ADGRL3: variants seen among roughly 807,000 people sequenced by gnomAD.
ADGRL3 encodes calcium-independent alpha-latrotoxin receptor 3.
Under a neutral mutation model 153.5 loss-of-function variants are expected in ADGRL3, and 62 were observed. The ratio of observed to expected loss-of-function variants is 0.40; its 90% CI spans 0.33 to 0.50. The LOEUF (loss-of-function observed/expected upper bound fraction) is 0.50, where lower values mean the gene tolerates loss of function less well. Ranked by LOEUF, ADGRL3 falls within the 20% of genes least tolerant of loss-of-function variation. ADGRL3 has a pLI of 0.47. For synonymous variants in ADGRL3, 710 were observed against 672.5 expected (o/e 1.06, Z -0.86); for missense variants, 1,641 against 1,859.4 (o/e 0.88, Z 2.16).
At chr4:61,443,306 G>A (rs1289636629) in intron 2 of ADGRL3, among the ~76,000 whole-genome samples, 3 of 152,078 alleles carry the variant, frequency 2.0e-5, no homozygotes, top group African/African-American at 7.2e-5. Context: ...ATGCTCTGAA[G>A]AATATTTCAG....
intron 2 of ADGRL3, among the ~76,000 whole-genome samples, chr4:61,439,657 A>G (rs1458335431): frequency 1.3e-5 from 2 of 150,926 alleles, no homozygotes; most frequent in African/African-American, 4.9e-5. Context: ...CCCTATATCC[A>G]TGTGTTCTCA....
intron 2 of ADGRL3, among the ~76,000 whole-genome samples, chr4:61,397,160 T>C (rs141486679): frequency 9.1e-4 from 138 of 152,112 alleles, no homozygotes; most frequent in African/African-American, 3.2e-3. Context: ...TACCAAATTA[T>C]ATAAAGTTAT....
intron 23 of ADGRL3, 82 bp downstream of exon 23, chr4:62,031,692 A>C: frequency 1.1e-6 from 1 of 909,344 alleles, no homozygotes; most frequent in Non-Finnish European, 1.6e-6. Flanking sequence ...CTAATATATT[A>C]TTCTTGATAT....
chr4:62,068,681 C>T (rs1177186986), intron 26 of ADGRL3, among the ~76,000 whole-genome samples: 1 of 152,138 alleles, frequency 6.6e-6, no homozygotes, highest in East Asian at 1.9e-4. Flanking sequence ...ACATACAGCC[C>T]TTTAAGAAGC....
chr4:61,649,231 T>TA (rs1172596247), intron 5 of ADGRL3, among the ~76,000 whole-genome samples: 1 of 152,066 alleles, frequency 6.6e-6, no homozygotes, highest in East Asian at 1.9e-4. Context: ...TTTGCCAATT[T>TA]AAAAAAATCA....
At chr4:62,040,646 C>T (rs910096218) in intron 24 of ADGRL3, among the ~76,000 whole-genome samples, 1 of 152,010 alleles carries the variant, frequency 6.6e-6, no homozygotes, top group African/African-American at 2.4e-5. Flanking sequence ...ATCTTCTAAT[C>T]TCTGGGGATA....
intron 1 of ADGRL3, among the ~76,000 whole-genome samples, chr4:61,303,751 T>C (rs1389187328): frequency 2.6e-5 from 4 of 152,192 alleles, no homozygotes; most frequent in African/African-American, 9.6e-5. Flanking sequence ...CAAACATTAG[T>C]GGTGAATTTA....
intron 9 of ADGRL3, among the ~76,000 whole-genome samples, chr4:61,882,704 T>C (rs775255001): frequency 6.6e-6 from 1 of 152,208 alleles, no homozygotes; most frequent in Non-Finnish European, 1.5e-5. Context: ...GTCTAGACCT[T>C]TGCAGATGCT....
At chr4:62,053,867 C>G (rs1735578902) in intron 25 of ADGRL3, among the ~76,000 whole-genome samples, 1 of 151,464 alleles carries the variant, frequency 6.6e-6, no homozygotes, top group South Asian at 2.1e-4. Flanking sequence ...TACACCAATA[C>G]TGGGCAGTGA....
chr4:61,406,809 C>G (rs558417938), intron 2 of ADGRL3, among the ~76,000 whole-genome samples: 18 of 151,978 alleles, frequency 1.2e-4, no homozygotes, highest in African/African-American at 4.1e-4. Context: ...ATATAAAACA[C>G]TGTTAGTATT....
chr4:61,826,718 A>G (rs957450426), intron 9 of ADGRL3, among the ~76,000 whole-genome samples: 1 of 152,074 alleles, frequency 6.6e-6, no homozygotes, highest in African/African-American at 2.4e-5. Flanking sequence ...TGACTTAGAG[A>G]GAGGTAAATC....
intron 5 of ADGRL3, among the ~76,000 whole-genome samples, chr4:61,673,384 G>C (rs1312366652): frequency 6.6e-6 from 1 of 151,650 alleles, no homozygotes; most frequent in African/African-American, 2.4e-5. Flanking sequence ...ACATTGTAAA[G>C]ATATATCAAA....
chr4:61,460,083 C>T (rs564721020), intron 2 of ADGRL3, among the ~76,000 whole-genome samples: 21 of 152,092 alleles, frequency 1.4e-4, no homozygotes, highest in African/African-American at 3.9e-4. Flanking sequence ...TAGTTTAATG[C>T]GATCTCTTTT....
intron 9 of ADGRL3, among the ~76,000 whole-genome samples, chr4:61,839,490 C>T (rs1016637119): frequency 1.3e-5 from 2 of 151,998 alleles, no homozygotes; most frequent in African/African-American, 2.4e-5. Flanking sequence ...GCCACTGTAC[C>T]TGGCCATGTG....
intron 1 of ADGRL3, among the ~76,000 whole-genome samples, chr4:61,303,459 G>GT (rs879802150): frequency 6.5e-4 from 96 of 147,234 alleles, no homozygotes; most frequent in Middle Eastern, 3.6e-3. Flanking sequence ...GATTTGCCAG[G>GT]TTTTTTTTTT....
chr4:61,267,298 T>TA (rs1485529122), intron 1 of ADGRL3, among the ~76,000 whole-genome samples: 1 of 151,770 alleles, frequency 6.6e-6, no homozygotes, highest in African/African-American at 2.4e-5. Flanking sequence ...TTAGCAGGAA[T>TA]AAAAGTCTCT....
At chr4:61,308,366 GA>G (rs1461347498) in intron 1 of ADGRL3, among the ~76,000 whole-genome samples, 1 of 152,318 alleles carries the variant, frequency 6.6e-6, no homozygotes, top group East Asian at 1.9e-4. Flanking sequence ...GTGACAGTGA[GA>G]AGAGAGGAAG....
Position 61,813,831 on chromosome 4 carries a change from T to G in ADGRL3, c.1422T>G (p.Val474=), listed in dbSNP as rs199653187. ...SRSGQAHHGQ[V]SYISPPIHLD... ...CAGGGCAGGCACATCATGGACAAGT[T>G]TCATACATTTCTCCGCCAATTCACC... The change falls in exon 9 of 27, where the codon GTT becomes GTG. Residue 474 remains valine (V), a synonymous_variant. Coordinates refer to ENST00000683033, the MANE Select transcript of ADGRL3 (RefSeq NM_001387552.1). The G allele has an allele frequency of 7.3e-5, 115 of 1,574,564 alleles. No homozygotes were observed. The highest frequency in any genetic ancestry group is 9.0e-5 in the Non-Finnish European group (103 of 1,144,284).
At chr4:61,844,124 T>C (rs2098077608) in intron 9 of ADGRL3, among the ~76,000 whole-genome samples, 1 of 152,146 alleles carries the variant, frequency 6.6e-6, no homozygotes, top group East Asian at 1.9e-4. Flanking sequence ...ATATTTTGTG[T>C]TTTCTGTTTT....
Sources: gnomAD v4.1 joint callset for allele counts (sites outside exome capture counted in the v4.1 genomes callset) on GRCh38, gnomAD v4.1.1 for gene constraint, MANE v1.5 for transcripts, NCBI Gene and HGNC (gene_info 2026-07-23, HGNC 2026-07-21) for gene names.